Variants in DCLK1 observed in about 807,000 individuals in gnomAD.
DCLK1 encodes the protein doublecortin like kinase 1.
DCLK1 carries 16 observed loss-of-function variants against 86.2 expected under a neutral mutation model. That is an observed-to-expected ratio of 0.19 (90% CI 0.13 to 0.28). DCLK1 has a LOEUF of 0.28. Among genes scored for constraint, DCLK1 ranks in the 10% least tolerant of loss-of-function variants. The pLI is 1.00. For missense variants in DCLK1, 590 were observed against 940.2 expected (o/e 0.63, Z 4.87); for synonymous variants, 369 against 370.5 (o/e 1.00, Z 0.05).
At chr13:35,965,223 C>A (rs964120714) in intron 3 of DCLK1, among the ~76,000 whole-genome samples, 4 of 152,158 alleles carry the variant, frequency 2.6e-5, no homozygotes, top group African/African-American at 9.7e-5. Flanking sequence ...AAGTACAACA[C>A]ACATAGCCAT....
intron 3 of DCLK1, among the ~76,000 whole-genome samples, chr13:36,095,420 G>A (rs1208221803): frequency 1.3e-5 from 2 of 151,878 alleles, no homozygotes; most frequent in Non-Finnish European, 2.9e-5. Context: ...TGGTCAGGCT[G>A]GTCTCGAACT....
At chr13:36,129,617 T>C (rs1056651869) in intron 1 of DCLK1, among the ~76,000 whole-genome samples, 3 of 152,226 alleles carry the variant, frequency 2.0e-5, no homozygotes, top group African/African-American at 7.2e-5. Context: ...CATGAGCTTC[T>C]GAAGATCCAC....
chr13:35,861,195 G>A (rs1871359566), intron 5 of DCLK1, among the ~76,000 whole-genome samples: 1 of 152,110 alleles, frequency 6.6e-6, no homozygotes, highest in Non-Finnish European at 1.5e-5. Context: ...CACTGAGTGT[G>A]GACAGGGTGG....
chr13:35,864,560 G>A (rs1267715868), intron 5 of DCLK1, among the ~76,000 whole-genome samples: 1 of 38,582 alleles, frequency 2.6e-5, no homozygotes, highest in African/African-American at 1.6e-4. Context: ...GCGAGACTCC[G>A]TCTCAAAAAA....
At chr13:35,799,546 T>C (rs8001525) in intron 15 of DCLK1, among the ~76,000 whole-genome samples, 94,623 of 152,052 alleles carry the variant, frequency 0.62, 31,885 homozygotes, top group African/African-American at 0.88. Flanking sequence ...CCACTGCACC[T>C]GGCCCTCAGT....
Position 35,799,479 on chromosome 13 carries a change from G to A in DCLK1, c.1945-6000C>T, listed in dbSNP as rs552166913. Among the ~76,000 whole-genome samples the A allele has an allele frequency of 1.6e-4, 24 of 152,188 alleles. No individual in the cohort carries two copies. In the East Asian group the frequency reaches 2.5e-3, roughly 16 times the overall value. On this transcript the variant is annotated intron_variant, in intron 15 of 16. Coordinates refer to ENST00000360631, the MANE Select transcript of DCLK1 (RefSeq NM_001330071.2). The stretch of plus-strand genomic sequence containing the variant: ...TTGGCCAGGCTGGTCTTGAACTCCC[G>A]ACCTCAGGTTATCTGCCCGCCTCGG...
At chr13:35,932,799 A>G (rs1036350134) in intron 4 of DCLK1, among the ~76,000 whole-genome samples, 1 of 152,154 alleles carries the variant, frequency 6.6e-6, no homozygotes, top group African/African-American at 2.4e-5. Flanking sequence ...ACAGGGCCAA[A>G]CCCTATCTTT....
intron 15 of DCLK1, among the ~76,000 whole-genome samples, chr13:35,797,796 G>T (rs1001320396): frequency 6.6e-6 from 1 of 152,024 alleles, no homozygotes; most frequent in Non-Finnish European, 1.5e-5. Flanking sequence ...CTGTACCTGC[G>T]CCATACAGAT....
chr13:36,023,218 T>C lies in DCLK1; in HGVS notation c.724-75761A>G, dbSNP rs139655872. Among the ~76,000 whole-genome samples, 3 of 152,294 alleles carry C rather than the reference T, an allele frequency of 2.0e-5. No homozygotes were observed. The East Asian group carries it at 5.8e-4, about 29-fold the overall frequency. ...AGATACAGATATGCATATATAAAGA[T>C]ATTTATTGTAAGAAATTAGCTCATG... On this transcript the variant is annotated intron_variant, in intron 3 of 16. Transcript: ENST00000360631.
At chr13:35,808,881 A>C (rs1368746067) in intron 13 of DCLK1, 137 bp downstream of exon 13, 1 of 591,258 alleles carries the variant, frequency 1.7e-6, no homozygotes, top group Non-Finnish European at 2.8e-6. Flanking sequence ...ATAACAGGGA[A>C]AAAATAACAG....
At chr13:35,830,345 C>A (rs757435499) in intron 8 of DCLK1, among the ~76,000 whole-genome samples, 3 of 152,116 alleles carry the variant, frequency 2.0e-5, no homozygotes, top group Non-Finnish European at 4.4e-5. Flanking sequence ...GAGCCGAGAT[C>A]ATGCCACTGC....
At chr13:35,977,409 G>A (rs1017165312) in intron 3 of DCLK1, among the ~76,000 whole-genome samples, 1 of 152,194 alleles carries the variant, frequency 6.6e-6, no homozygotes, top group Non-Finnish European at 1.5e-5. Context: ...GGCAAGCAAA[G>A]GATTGGTGAG....
At chr13:36,054,821 C>T (rs1883245033) in intron 3 of DCLK1, among the ~76,000 whole-genome samples, 1 of 152,130 alleles carries the variant, frequency 6.6e-6, no homozygotes, top group Non-Finnish European at 1.5e-5. Flanking sequence ...GCATTTGTCA[C>T]AGCTTACACA....
chr13:35,954,143 C>T (rs1312027009), intron 3 of DCLK1, among the ~76,000 whole-genome samples: 3 of 151,942 alleles, frequency 2.0e-5, no homozygotes, highest in African/African-American at 7.3e-5. Flanking sequence ...TTAAAGATGG[C>T]AGGCTTAAAC....
chr13:35,875,524 C>T (rs1872540149), intron 4 of DCLK1, among the ~76,000 whole-genome samples: 1 of 152,102 alleles, frequency 6.6e-6, no homozygotes, highest in South Asian at 2.1e-4. Flanking sequence ...TTTCCAAGTA[C>T]CAAAAAGAAA....
chr13:35,801,246 C>T lies in DCLK1; in HGVS notation c.1944+4453G>A, dbSNP rs185869587. On this transcript the variant is annotated intron_variant, in intron 15 of 16. Transcript: ENST00000360631. ...TACTAAATGGATATTCTTTGAAATC[C>T]CTAATTTATTTATTTCATTTGCTTG... Among the ~76,000 whole-genome samples the T allele has an allele frequency of 2.1e-3, 322 of 151,844 alleles. 3 individuals are homozygous for T. Among genetic ancestry groups the T allele is most frequent in the Admixed American group, 0.018 (279 of 15,220 alleles).
intron 5 of DCLK1, chr13:35,855,592 G>A: frequency 6.4e-7 from 1 of 1,565,264 alleles, no homozygotes; most frequent in Non-Finnish European, 8.7e-7. Context: ...ACTAAGCCAA[G>A]CACCCGCGGA....
At chr13:35,795,786 G>A (rs2086795531) in intron 15 of DCLK1, among the ~76,000 whole-genome samples, 1 of 151,982 alleles carries the variant, frequency 6.6e-6, no homozygotes, top group South Asian at 2.1e-4. Flanking sequence ...TGGGCATGGT[G>A]GCGCATGCCT....
chr13:35,868,005 T>C (rs1871978367), intron 5 of DCLK1, among the ~76,000 whole-genome samples: 1 of 147,174 alleles, frequency 6.8e-6, no homozygotes, highest in South Asian at 2.1e-4. Context: ...ATCTAGAGTA[T>C]CTAACAACCT....
Sources: allele counts gnomAD v4.1 joint callset (sites outside exome capture counted in the v4.1 genomes callset), GRCh38; gene constraint gnomAD v4.1.1; transcripts MANE v1.5; gene names NCBI Gene and HGNC (gene_info 2026-07-23, HGNC 2026-07-21).